The following SP100 variants were observed in gnomAD, a reference collection of about 807,000 sequenced individuals.
The protein encoded by SP100 is SP100 nuclear body protein.
In SP100, 84 loss-of-function variants were observed where a neutral mutation model predicts 130.0. That is an observed-to-expected ratio of 0.65 (90% CI 0.54 to 0.77). The LOEUF (loss-of-function observed/expected upper bound fraction) is 0.77, where lower values mean the gene tolerates loss of function less well. SP100 is among the 30% of genes least tolerant of loss of function. The pLI is 0.00. For synonymous variants in SP100, 331 were observed against 351.7 expected, an observed-to-expected ratio of 0.94 and a Z score of 0.66; for missense variants, 978 against 1,052.2, an observed-to-expected ratio of 0.93 and a Z score of 0.97.
In SP100 at chr2:230,462,443, AG is replaced by A; in HGVS notation, c.983del (p.Ser328MetfsTer14). 1 of 1,613,074 alleles carries A rather than the reference AG, an allele frequency of 6.2e-7. No homozygotes were observed. Among genetic ancestry groups the A allele is most frequent in the South Asian group, 1.1e-5 (1 of 91,036 alleles). On this transcript the variant is annotated frameshift_variant, in exon 10 of 29. Coordinates refer to ENST00000340126, the MANE Select transcript of SP100 (RefSeq NM_001080391.2). LOFTEE classifies it high-confidence loss of function. The part of the protein sequence containing the change: ...NQASDIIVIS[S>X]EDSEGSTDVD... ...TTTGCTCCTTTGTGCAGTCATCAGC[AG>A]TGAGGACTCTGAAGGATCCACTGAC...
intron 2 of SP100, among the ~76,000 whole-genome samples, chr2:230,433,015 G>T (rs1467374697): frequency 8.3e-6 from 1 of 120,970 alleles, no homozygotes; most frequent in African/African-American, 3.1e-5. Context: ...AAATGAAAAT[G>T]GGGGGATCCT....
chr2:230,502,059 G>A (rs979700232), intron 19 of SP100, among the ~76,000 whole-genome samples: 3 of 139,826 alleles, frequency 2.1e-5, no homozygotes, highest in Non-Finnish European at 4.6e-5. Flanking sequence ...TTAATTTTTA[G>A]TAGAGACGGA....
chr2:230,431,764 T>C (rs541168390), intron 2 of SP100, among the ~76,000 whole-genome samples: 1 of 152,334 alleles, frequency 6.6e-6, no homozygotes, highest in African/African-American at 2.4e-5. Flanking sequence ...AGTTTAACCT[T>C]CTTTTTTCAC....
chr2:230,416,367 G>T (rs935271057), intron 1 of SP100, 39 bp downstream of exon 1: 1 of 1,585,788 alleles, frequency 6.3e-7, no homozygotes, highest in Non-Finnish European at 8.7e-7. Flanking sequence ...TTTATCTCTG[G>T]CTATATTGCA....
chr2:230,443,310 G>A (rs998380360), intron 3 of SP100, among the ~76,000 whole-genome samples: 12 of 152,184 alleles, frequency 7.9e-5, no homozygotes, highest in Admixed American at 3.9e-4. Flanking sequence ...ACTTCCAGCC[G>A]AGGAAATGGT....
Position 230,521,815 on chromosome 2 carries a change from C to T in SP100, c.2094+10649C>T, listed in dbSNP as rs60615829. On this transcript the variant is annotated intron_variant, in intron 24 of 28. Coordinates refer to ENST00000340126, the MANE Select transcript of SP100 (RefSeq NM_001080391.2). ...TGGATTCTCTCTGGCCCTGCTGCTA[C>T]GGGCCCAAACCACATTCCTGATTGC... is the stretch of plus-strand genomic sequence containing the variant. Among the ~76,000 whole-genome samples the T allele has an allele frequency of 4.6e-3, 697 of 152,314 alleles. 3 individuals carry two copies. The highest frequency in any genetic ancestry group is 0.016 in the African/African-American group (675 of 41,572).
intron 24 of SP100, among the ~76,000 whole-genome samples, chr2:230,536,392 AG>A (rs1467143592): frequency 6.6e-6 from 1 of 152,170 alleles, no homozygotes; most frequent in East Asian, 1.9e-4. Context: ...TGATTTTTAC[AG>A]TTTATTTTGA....
chr2:230,477,020 C>T (rs1314682281), intron 17 of SP100, among the ~76,000 whole-genome samples: 1 of 151,980 alleles, frequency 6.6e-6, no homozygotes, highest in African/African-American at 2.4e-5. Flanking sequence ...TACCTGCCAC[C>T]ACACCCGGCT....
At chr2:230,508,734 T>C (rs566762428) in intron 23 of SP100, 1 of 152,318 alleles carries the variant, frequency 6.6e-6, no homozygotes, top group African/African-American at 2.4e-5. Context: ...TGTTTTTCAC[T>C]GGTTTTTCTG....
At chr2:230,427,647 G>T (rs1553633332) in intron 2 of SP100, among the ~76,000 whole-genome samples, 2 of 150,472 alleles carry the variant, frequency 1.3e-5, no homozygotes, top group Admixed American at 6.6e-5. Flanking sequence ...TTTTTTTCTT[G>T]TTGCCTTCCT....
chr2:230,529,143 A>AAT (rs1691576697), intron 24 of SP100, among the ~76,000 whole-genome samples: 1 of 152,232 alleles, frequency 6.6e-6, no homozygotes, highest in African/African-American at 2.4e-5. Flanking sequence ...ATTTTGGGCC[A>AAT]ATATCCCTGA....
Position 230,483,198 on chromosome 2 carries a change from A to T in SP100, c.1600+8751A>T, listed in dbSNP as rs568185668. 3.9e-5 allele frequency among the ~76,000 whole-genome samples: 6 copies of T among 152,344 alleles called. No homozygotes were observed. In the South Asian group the frequency reaches 1.2e-3, roughly 32 times the overall value. On this transcript the variant is annotated intron_variant, in intron 17 of 28. Transcript: ENST00000340126. ...TAATATTTCAGATAGTGACAATGTC[A>T]TAAAGAAAAATAAAGAATAATGGAG...
chr2:230,511,246 C>G lies in SP100; in HGVS notation c.2094+80C>G, dbSNP rs888917127. On this transcript the variant is annotated intron_variant, in intron 24 of 28. Coordinates refer to ENST00000340126, the MANE Select transcript of SP100 (RefSeq NM_001080391.2). ...ACACTATGTCATGACTGCCTTTCCC[C>G]GAAGCATGCTCAGTCTCAGTTGGAG... 16 of 958,496 alleles carry G rather than the reference C, an allele frequency of 1.7e-5. No individual in the cohort carries two copies. In the East Asian group the frequency reaches 3.6e-4, roughly 22 times the overall value. 59.4% of individuals were successfully genotyped at this position (958,496 alleles called of 1,614,324 possible).
intron 8 of SP100, among the ~76,000 whole-genome samples, chr2:230,454,440 C>T (rs1049589424): frequency 1.3e-5 from 2 of 152,106 alleles, no homozygotes; most frequent in Non-Finnish European, 2.9e-5. Context: ...AACTTCCCCT[C>T]TTGTAACTGC....
intron 24 of SP100, among the ~76,000 whole-genome samples, chr2:230,522,295 T>A (rs995129438): frequency 6.6e-6 from 1 of 152,130 alleles, no homozygotes; most frequent in Non-Finnish European, 1.5e-5. Flanking sequence ...TAGAATTTGA[T>A]AAACTGATAT....
At chr2:230,455,194 T>A (rs1478514710) in intron 8 of SP100, among the ~76,000 whole-genome samples, 1 of 152,064 alleles carries the variant, frequency 6.6e-6, no homozygotes, top group African/African-American at 2.4e-5. Flanking sequence ...CCCAAGTAGC[T>A]GAGATGACAG....
At chr2:230,439,367 A>T (rs1435941964) in intron 2 of SP100, among the ~76,000 whole-genome samples, 2 of 152,104 alleles carry the variant, frequency 1.3e-5, no homozygotes, top group Admixed American at 6.6e-5. Context: ...AATTGCATTG[A>T]ATCTGTAGAT....
chr2:230,418,916 T>TTA lies in SP100; in HGVS notation c.107+1252_107+1253dup, dbSNP rs911030173. 6.1e-4 allele frequency among the ~76,000 whole-genome samples: 93 copies of TTA among 152,248 alleles called. No homozygotes were observed. The Middle Eastern group carries it at 0.01, about 17-fold the overall frequency. On this transcript the variant is annotated intron_variant, in intron 2 of 28. Coordinates refer to ENST00000340126, the MANE Select transcript of SP100 (RefSeq NM_001080391.2). ...TCTCTTCCTCTTCCTCCAGAATGTC[T>TTA]TAGACTCCCAAATTTGCCTGTCAAA...
intron 8 of SP100, 44 bp downstream of exon 8, chr2:230,450,299 A>G (rs2063910880): frequency 6.9e-7 from 1 of 1,454,828 alleles, no homozygotes; most frequent in African/African-American, 1.4e-5. Context: ...TTTCTTATTC[A>G]GATGCTATAC....
Sources: gnomAD v4.1 joint callset for allele counts (sites outside exome capture counted in the v4.1 genomes callset) on GRCh38, gnomAD v4.1.1 for gene constraint, MANE v1.5 for transcripts, NCBI Gene and HGNC (gene_info 2026-07-23, HGNC 2026-07-21) for gene names.